EPS15: variants seen among roughly 807,000 people sequenced by gnomAD.
EPS15 encodes the protein epidermal growth factor receptor pathway substrate 15, also known as epidermal growth factor receptor substrate 15.
EPS15 carries 72 observed loss-of-function variants against 113.8 expected under a neutral mutation model. The observed-to-expected ratio is 0.63, with a 90% confidence interval of 0.52 to 0.77. The LOEUF (loss-of-function observed/expected upper bound fraction) is 0.77, where lower values mean the gene tolerates loss of function less well. Among genes scored for constraint, EPS15 ranks in the 30% least tolerant of loss-of-function variants. EPS15 has a pLI of 0.00. For synonymous variants in EPS15, 344 were observed against 363.4 expected (o/e 0.95, Z 0.61); for missense variants, 1,048 against 1,045.8 (o/e 1.00, Z -0.03).
intron 12 of EPS15, among the ~76,000 whole-genome samples, chr1:51,435,243 T>C (rs1438719673): frequency 6.6e-6 from 1 of 152,052 alleles, no homozygotes; most frequent in Non-Finnish European, 1.5e-5. Context: ...GCTGGAGTGA[T>C]CTCGGCTGTG....
chr1:51,357,391 A>AATATATATATATATAT (rs869072153), intron 24 of EPS15, among the ~76,000 whole-genome samples: 1 of 65,730 alleles, frequency 1.5e-5, no homozygotes, highest in African/African-American at 7.0e-5. Flanking sequence ...AAAAAAAAAA[A>AATATATATATATATAT]ATATATATAT....
At chr1:51,512,506 GA>G (rs1204664580) in intron 1 of EPS15, among the ~76,000 whole-genome samples, 1 of 151,794 alleles carries the variant, frequency 6.6e-6, no homozygotes, top group African/African-American at 2.4e-5. Flanking sequence ...AAAATTCAGA[GA>G]AAAAAATTTT....
In EPS15 at chr1:51,406,043, A is replaced by T; in HGVS notation, c.1539T>A (p.Ser513Arg). Residue 513 changes from serine to arginine, a missense_variant, in exon 16 of 25, where the codon AGT (serine) becomes AGA (arginine). Coordinates refer to ENST00000371733, the MANE Select transcript of EPS15 (RefSeq NM_001981.3). ...ENHNSQLNWC[S>R]SPHSILVNGA... ...CGTTTACAAGAATGCTGTGTGGGCT[A>T]CTGCACCAATTTAACTGACTATTAT... The T allele has an allele frequency of 6.2e-6, 10 of 1,614,194 alleles. No homozygotes were observed. Among genetic ancestry groups the T allele is most frequent in the Non-Finnish European group, 8.5e-6 (10 of 1,180,010 alleles).
chr1:51,365,922 T>G (rs199894944), intron 22 of EPS15, 31 bp downstream of exon 22: 293 of 1,460,516 alleles, frequency 2.0e-4, no homozygotes, highest in Admixed American at 5.5e-4. Flanking sequence ...ACACAGTATG[T>G]TTTCCCTTCC....
At chr1:51,384,416 T>C (rs1489611032) in intron 21 of EPS15, among the ~76,000 whole-genome samples, 1 of 146,008 alleles carries the variant, frequency 6.8e-6, no homozygotes, top group Non-Finnish European at 1.5e-5. Context: ...TCCTCCCACC[T>C]CAGCTTCCCA....
At chr1:51,423,929 G>C (rs1429585518) in intron 12 of EPS15, among the ~76,000 whole-genome samples, 1 of 152,110 alleles carries the variant, frequency 6.6e-6, no homozygotes, top group African/African-American at 2.4e-5. Context: ...TGGGGTCTAT[G>C]GGGGAGGAAG....
intron 12 of EPS15, chr1:51,422,096 A>G: frequency 8.7e-7 from 1 of 1,149,260 alleles, no homozygotes; most frequent in South Asian, 2.7e-5. Context: ...AGGATAGATT[A>G]AAAAAGGAAG....
intron 16 of EPS15, among the ~76,000 whole-genome samples, chr1:51,405,356 A>C (rs1445030687): frequency 6.6e-6 from 1 of 152,194 alleles, no homozygotes; most frequent in East Asian, 1.9e-4. Flanking sequence ...CTTAAAAAAA[A>C]AGTTTTACTC....
At chr1:51,378,319 C>G (rs916914918) in intron 21 of EPS15, among the ~76,000 whole-genome samples, 4 of 151,906 alleles carry the variant, frequency 2.6e-5, no homozygotes, top group Admixed American at 6.6e-5. Context: ...TTATATGTGA[C>G]TTCTTTTATT....
At chr1:51,403,365 T>C (rs780080708) in intron 17 of EPS15, 54 bp downstream of exon 17, 3 of 926,828 alleles carry the variant, frequency 3.2e-6, no homozygotes, top group Non-Finnish European at 5.2e-6. Flanking sequence ...ATTCACCTCC[T>C]CCTGTCCTTC....
At chr1:51,387,415 T>C (rs1456294991) in intron 21 of EPS15, among the ~76,000 whole-genome samples, 1 of 151,372 alleles carries the variant, frequency 6.6e-6, no homozygotes, top group Admixed American at 6.6e-5. Flanking sequence ...CATCAACTAA[T>C]GAGCAAAATC....
At chr1:51,475,471 T>C (rs1042373055) in intron 2 of EPS15, among the ~76,000 whole-genome samples, 12 of 152,232 alleles carry the variant, frequency 7.9e-5, no homozygotes, top group African/African-American at 2.7e-4. Context: ...GCTGCATAAA[T>C]ATCTTCTTTT....
chr1:51,433,077 A>G lies in EPS15; in HGVS notation c.1040+7270T>C, dbSNP rs1183017343. 3.9e-5 allele frequency among the ~76,000 whole-genome samples: 6 copies of G among 152,340 alleles called. No homozygotes were observed. The East Asian group carries it at 1.2e-3, about 29-fold the overall frequency. On this transcript the variant is annotated intron_variant, in intron 12 of 24. Transcript: ENST00000371733. ...AAACATAGAATTTTTAAAAATTTGA[A>G]CCATATGCTAGGATTTAGAAATTTT...
At chr1:51,395,723 T>C (rs1005942434) in intron 20 of EPS15, among the ~76,000 whole-genome samples, 2 of 152,238 alleles carry the variant, frequency 1.3e-5, no homozygotes, top group African/African-American at 4.8e-5. Context: ...AAATTGTATA[T>C]CTAGGAAGAT....
chr1:51,511,848 T>C (rs1020793285), intron 1 of EPS15, among the ~76,000 whole-genome samples: 43 of 152,376 alleles, frequency 2.8e-4, no homozygotes, highest in African/African-American at 9.4e-4. Flanking sequence ...TAGTAAGGAA[T>C]AAGCAGTTTG....
chr1:51,361,063 G>A, intron 24 of EPS15, 108 bp downstream of exon 24: 1 of 800,846 alleles, frequency 1.2e-6, no homozygotes, highest in South Asian at 1.8e-5. Context: ...ATCATTTTTA[G>A]TATCTTGGTA....
chr1:51,395,295 CA>C (rs1450495663), intron 20 of EPS15, among the ~76,000 whole-genome samples: 1 of 152,180 alleles, frequency 6.6e-6, no homozygotes, highest in Non-Finnish European at 1.5e-5. Flanking sequence ...AACACTGGTA[CA>C]AAACTATAAA....
At chr1:51,497,433 A>G (rs1312011965) in intron 1 of EPS15, among the ~76,000 whole-genome samples, 1 of 152,238 alleles carries the variant, frequency 6.6e-6, no homozygotes. Flanking sequence ...ACAAATGCAA[A>G]GAAAAAGCTC....
At chr1:51,471,606 G>T in intron 4 of EPS15, 84 bp downstream of exon 4, 1 of 1,096,940 alleles carries the variant, frequency 9.1e-7, no homozygotes, top group Non-Finnish European at 1.4e-6. Context: ...CCAATTCTTG[G>T]CTTCAAAATA....
Sources: gnomAD v4.1 joint callset for allele counts (sites outside exome capture counted in the v4.1 genomes callset) on GRCh38, gnomAD v4.1.1 for gene constraint, MANE v1.5 for transcripts, NCBI Gene and HGNC (gene_info 2026-07-23, HGNC 2026-07-21) for gene names.